The following STPG2 variants were observed in gnomAD, a reference collection of about 807,000 sequenced individuals.
STPG2 encodes the protein sperm-tail PG-rich repeat-containing protein 2.
In STPG2, 56 loss-of-function variants were observed where a neutral mutation model predicts 54.2. The ratio of observed to expected loss-of-function variants is 1.03; its 90% CI spans 0.83 to 1.29. The LOEUF (loss-of-function observed/expected upper bound fraction) is 1.29, where lower values mean the gene tolerates loss of function less well. Ranked by LOEUF, STPG2 falls within the 50% of genes most tolerant of loss-of-function variation. The pLI is 0.00. For missense variants in STPG2, 596 were observed against 544.9 expected (o/e 1.09, Z -0.93); for synonymous variants, 200 against 181.8 (o/e 1.10, Z -0.81).
At chr4:97,660,526 TG>T (rs1384136779) in intron 10 of STPG2, among the ~76,000 whole-genome samples, 4 of 152,194 alleles carry the variant, frequency 2.6e-5, no homozygotes, top group Admixed American at 1.3e-4. Context: ...CTAGAATGAA[TG>T]GGAAAGGATG....
At position 97,561,437 on chromosome 4, in the gene STPG2, A is replaced by T. The variant is rs183601738; in HGVS notation, c.1321-2320T>A. On this transcript the variant is annotated intron_variant, in intron 10 of 10. Coordinates refer to ENST00000295268, the MANE Select transcript of STPG2 (RefSeq NM_174952.3). ...ATGGTAGTTTCTTTTGCTGTGCAAGAGCTCTTTAGTTTAATTAGATCTCAT... is the reference window on the plus strand; with the variant it reads ...ATGGTAGTTTCTTTTGCTGTGCAAGTGCTCTTTAGTTTAATTAGATCTCAT... Among the ~76,000 whole-genome samples the T allele has an allele frequency of 3.3e-3, 503 of 152,146 alleles. 1 individual carries two copies. The highest frequency in any genetic ancestry group is 5.2e-3 in the Non-Finnish European group (357 of 68,002).
chr4:97,740,625 G>A lies in STPG2; in HGVS notation c.1205-27811C>T, dbSNP rs534511017. On this transcript the variant is annotated intron_variant, in intron 9 of 10. Coordinates refer to ENST00000295268, the MANE Select transcript of STPG2 (RefSeq NM_174952.3). ...CTCCCATTCACAATTTCTTCAAAGAGAATAAAATACCTAGGAATCCAACTT... is the reference window on the plus strand; with the variant it reads ...CTCCCATTCACAATTTCTTCAAAGAAAATAAAATACCTAGGAATCCAACTT... Among the ~76,000 whole-genome samples the A allele has an allele frequency of 9.9e-5, 15 of 152,162 alleles. No homozygotes were observed. In the South Asian group the frequency reaches 2.5e-3, roughly 25 times the overall value.
At chr4:97,792,464 C>T (rs1444804853) in intron 9 of STPG2, among the ~76,000 whole-genome samples, 1 of 152,124 alleles carries the variant, frequency 6.6e-6, no homozygotes, top group Non-Finnish European at 1.5e-5. Flanking sequence ...ACCCTCACTG[C>T]CAGCACTCTA....
intron 10 of STPG2, among the ~76,000 whole-genome samples, chr4:97,680,985 T>TA (rs1723014885): frequency 6.6e-6 from 1 of 152,020 alleles, no homozygotes; most frequent in South Asian, 2.1e-4. Flanking sequence ...TGAAAATTTA[T>TA]AAAAATCTAT....
chr4:97,893,009 T>C (rs1407873094), intron 8 of STPG2: 1 of 152,068 alleles, frequency 6.6e-6, no homozygotes, highest in Non-Finnish European at 1.5e-5. Flanking sequence ...AGATAACTGG[T>C]GGAAAGATCA....
chr4:98,105,525 T>C (rs995582640), intron 5 of STPG2, among the ~76,000 whole-genome samples: 2 of 152,102 alleles, frequency 1.3e-5, no homozygotes, highest in African/African-American at 4.8e-5. Context: ...TTGGACGTTT[T>C]AACAGAAATG....
chr4:97,773,123 C>T (rs1578551086), intron 9 of STPG2, among the ~76,000 whole-genome samples: 1 of 152,088 alleles, frequency 6.6e-6, no homozygotes, highest in East Asian at 1.9e-4. Flanking sequence ...CTATTTTATG[C>T]TTTCTTAGTT....
intron 10 of STPG2, among the ~76,000 whole-genome samples, chr4:97,598,936 T>A (rs1733380076): frequency 6.6e-6 from 1 of 152,080 alleles, no homozygotes. Context: ...GGGACCTGAT[T>A]AAACTAAAGA....
chr4:97,689,919 T>A (rs910979886), intron 10 of STPG2, among the ~76,000 whole-genome samples: 1 of 152,090 alleles, frequency 6.6e-6, no homozygotes, highest in Non-Finnish European at 1.5e-5. Flanking sequence ...AATTTTATGT[T>A]GCATAAAATC....
At chr4:97,863,421 C>G (rs893485416) in intron 8 of STPG2, among the ~76,000 whole-genome samples, 2 of 152,152 alleles carry the variant, frequency 1.3e-5, no homozygotes, top group African/African-American at 4.8e-5. Flanking sequence ...TCTGAATAGA[C>G]CAATAACAGG....
At chr4:97,521,945 TA>T (rs942461593) in intron 4 of STPG2, among the ~76,000 whole-genome samples, 4 of 151,742 alleles carry the variant, frequency 2.6e-5, no homozygotes, top group African/African-American at 9.7e-5. Flanking sequence ...TACTGTCTCT[TA>T]AAAAAAATCC....
chr4:97,852,967 C>CTTTTTTTTTTT (rs574886386), intron 8 of STPG2, among the ~76,000 whole-genome samples: 1 of 69,630 alleles, frequency 1.4e-5, no homozygotes, highest in African/African-American at 6.3e-5. Context: ...AACATATTTT[C>CTTTTTTTTTTT]TTTTTTTTTT....
At chr4:97,607,940 G>T (rs1400807854) in intron 10 of STPG2, among the ~76,000 whole-genome samples, 1 of 151,886 alleles carries the variant, frequency 6.6e-6, no homozygotes, top group Admixed American at 6.6e-5. Context: ...CAGCCCAGAG[G>T]GCTTAAAGCC....
chr4:97,487,971 T>C (rs1473629793), intron 4 of STPG2, among the ~76,000 whole-genome samples: 1 of 151,578 alleles, frequency 6.6e-6, no homozygotes, highest in Non-Finnish European at 1.5e-5. Flanking sequence ...GAAACCTATG[T>C]ATTTATCACC....
chr4:97,535,454 C>G (rs1731506935), intron 4 of STPG2, among the ~76,000 whole-genome samples: 1 of 152,148 alleles, frequency 6.6e-6, no homozygotes, highest in Non-Finnish European at 1.5e-5. Context: ...AGTGAATTCT[C>G]TGAACTTTTA....
At chr4:98,018,034 T>C (rs1408766594) in intron 5 of STPG2, among the ~76,000 whole-genome samples, 1 of 152,270 alleles carries the variant, frequency 6.6e-6, no homozygotes, top group East Asian at 1.9e-4. Flanking sequence ...TTATTATTAT[T>C]ATACTTTAAG....
At chr4:97,564,412 T>G (rs1193539651) in intron 10 of STPG2, among the ~76,000 whole-genome samples, 3 of 152,168 alleles carry the variant, frequency 2.0e-5, no homozygotes, top group Non-Finnish European at 2.9e-5. Context: ...GTCTTTTAAT[T>G]GGAGCATTTA....
intron 10 of STPG2, among the ~76,000 whole-genome samples, chr4:97,672,032 C>T (rs796250771): frequency 5.4e-4 from 82 of 152,068 alleles, no homozygotes; most frequent in African/African-American, 1.9e-3. Flanking sequence ...TGCTATACTA[C>T]ATGCCAGACA....
At chr4:97,942,896 C>A (rs961320911) in intron 8 of STPG2, among the ~76,000 whole-genome samples, 1 of 152,138 alleles carries the variant, frequency 6.6e-6, no homozygotes, top group African/African-American at 2.4e-5. Context: ...CCAATTTCTA[C>A]AAAAATGTAT....
Sources: gnomAD v4.1 joint callset for allele counts (sites outside exome capture counted in the v4.1 genomes callset) on GRCh38, gnomAD v4.1.1 for gene constraint, MANE v1.5 for transcripts, NCBI Gene and HGNC (gene_info 2026-07-23, HGNC 2026-07-21) for gene names.